The following GRID1 variants were observed in gnomAD, a reference collection of about 807,000 sequenced individuals.
GRID1 encodes glutamate receptor ionotropic, delta-1.
A neutral mutation model predicts 98.0 loss-of-function variants in GRID1; 28 were observed. The observed-to-expected ratio is 0.29, with a 90% CI of 0.21 to 0.39. GRID1 has a LOEUF of 0.39. GRID1 is among the 10% of genes least tolerant of loss of function. GRID1 has a pLI of 1.00. For missense variants in GRID1, 1,111 were observed against 1,340.5 expected (o/e 0.83, Z 2.67); for synonymous variants, 553 against 538.5 (o/e 1.03, Z -0.37).
intron 3 of GRID1, among the ~76,000 whole-genome samples, chr10:86,189,332 AACTCCCGTC>A (rs1454036385): frequency 6.6e-6 from 1 of 151,932 alleles, no homozygotes; most frequent in African/African-American, 2.4e-5. Flanking sequence ...GTCGGCTTCC[AACTCCCGTC>A]ACTTCCTGCT....
intron 2 of GRID1, among the ~76,000 whole-genome samples, chr10:86,288,805 C>T (rs942574029): frequency 1.3e-5 from 2 of 152,310 alleles, no homozygotes; most frequent in African/African-American, 4.8e-5. Context: ...TGAGCAGGGC[C>T]GACTGGCTAT....
At chr10:85,657,356 A>G (rs1181315069) in intron 12 of GRID1, among the ~76,000 whole-genome samples, 1 of 152,120 alleles carries the variant, frequency 6.6e-6, no homozygotes, top group African/African-American at 2.4e-5. Context: ...CAATCACCCC[A>G]GTTTGCTTGG....
chr10:85,950,685 C>CA (rs1564633729), intron 4 of GRID1, among the ~76,000 whole-genome samples: 1 of 152,172 alleles, frequency 6.6e-6, no homozygotes, highest in African/African-American at 2.4e-5. Flanking sequence ...ATCCAGCAAA[C>CA]ATTATGCCCC....
intron 3 of GRID1, among the ~76,000 whole-genome samples, chr10:86,173,843 G>A: frequency 6.7e-6 from 1 of 150,048 alleles, no homozygotes; most frequent in Non-Finnish European, 1.5e-5. Context: ...TTTTGTTCTT[G>A]TGATAGTTTA....
intron 4 of GRID1, among the ~76,000 whole-genome samples, chr10:86,120,245 T>C (rs1432794172): frequency 6.6e-6 from 1 of 152,216 alleles, no homozygotes; most frequent in Non-Finnish European, 1.5e-5. Context: ...CTTCCTCTAG[T>C]GCCCATGCTC....
At chr10:86,172,388 A>G (rs1030762475) in intron 3 of GRID1, among the ~76,000 whole-genome samples, 1 of 152,340 alleles carries the variant, frequency 6.6e-6, no homozygotes, top group South Asian at 2.1e-4. Context: ...CATCAGGTAC[A>G]TATTCATGCA....
At chr10:86,086,614 G>A (rs184092162) in intron 4 of GRID1, among the ~76,000 whole-genome samples, 36 of 152,322 alleles carry the variant, frequency 2.4e-4, no homozygotes, top group East Asian at 9.6e-4. Flanking sequence ...GCCTGTGTGC[G>A]CAAGTGTGTG....
At chr10:86,097,201 G>A (rs1844233524) in intron 4 of GRID1, among the ~76,000 whole-genome samples, 1 of 152,210 alleles carries the variant, frequency 6.6e-6, no homozygotes, top group South Asian at 2.1e-4. Context: ...AAGACAGCCT[G>A]TCATGGGACT....
intron 8 of GRID1, among the ~76,000 whole-genome samples, chr10:85,841,738 C>T (rs1020334346): frequency 1.6e-4 from 25 of 152,056 alleles, no homozygotes; most frequent in Non-Finnish European, 3.4e-4. Context: ...CTCAACATCA[C>T]TGATCATTAA....
intron 4 of GRID1, among the ~76,000 whole-genome samples, chr10:86,125,025 C>T (rs1240058330): frequency 6.6e-6 from 1 of 152,212 alleles, no homozygotes; most frequent in African/African-American, 2.4e-5. Flanking sequence ...TCCCTCCCTG[C>T]AAGTGAGACA....
chr10:86,357,324 G>A (rs1463532162), intron 2 of GRID1, among the ~76,000 whole-genome samples: 1 of 152,194 alleles, frequency 6.6e-6, no homozygotes, highest in Non-Finnish European at 1.5e-5. Flanking sequence ...CCAGAGGAAG[G>A]GGCTGTCACA....
Position 86,206,785 on chromosome 10 carries a change from A to T in GRID1, c.236-137T>A, listed in dbSNP as rs1846032147. 1.4e-6 allele frequency: 1 copy of T among 723,386 alleles called. No homozygotes were observed. The highest frequency in any genetic ancestry group is 1.8e-5 in the African/African-American group (1 of 56,194). 44.8% of individuals were successfully genotyped at this position (723,386 alleles called of 1,614,324 possible). ...CTGCCTCCCTCCAGGACCAAGAACC[A>T]TCCTGGGCAGGCCAGTGGCTCTCAT... On this transcript the variant is annotated intron_variant, in intron 2 of 15. Coordinates refer to ENST00000327946, the MANE Select transcript of GRID1 (RefSeq NM_017551.3). The surrounding 1 kb of genome is among the most constrained non-coding windows in gnomAD (Gnocchi z 4.1).
intron 5 of GRID1, among the ~76,000 whole-genome samples, chr10:85,900,223 G>A (rs117691443): frequency 2.6e-5 from 4 of 152,188 alleles, no homozygotes; most frequent in African/African-American, 7.2e-5. Flanking sequence ...CAGCAGCCAC[G>A]TGTGAATGTG....
intron 8 of GRID1, among the ~76,000 whole-genome samples, chr10:85,757,243 G>C (rs1387181266): frequency 6.6e-6 from 1 of 152,176 alleles, no homozygotes; most frequent in African/African-American, 2.4e-5. Context: ...GCCTCTCACT[G>C]AGGAACACCT....
intron 2 of GRID1, among the ~76,000 whole-genome samples, chr10:86,303,094 T>C (rs1847713860): frequency 2.0e-5 from 3 of 152,256 alleles, no homozygotes; most frequent in South Asian, 4.1e-4. Context: ...TTAGACTATA[T>C]TAAGAAATTA....
chr10:85,815,411 A>C (rs1189049077), intron 8 of GRID1, among the ~76,000 whole-genome samples: 2 of 152,072 alleles, frequency 1.3e-5, no homozygotes, highest in Non-Finnish European at 2.9e-5. Flanking sequence ...AAAAATAAAC[A>C]AAAGAAATAC....
chr10:85,679,261 A>G (rs1841180055), intron 12 of GRID1, among the ~76,000 whole-genome samples: 1 of 152,170 alleles, frequency 6.6e-6, no homozygotes, highest in Non-Finnish European at 1.5e-5. Flanking sequence ...CTCCCAAACC[A>G]TGGATCTCTC....
chr10:86,118,896 A>G (rs1045788577), intron 4 of GRID1, among the ~76,000 whole-genome samples: 2 of 152,210 alleles, frequency 1.3e-5, no homozygotes, highest in Admixed American at 1.3e-4. Flanking sequence ...ACTGCTCAAA[A>G]CATCAAGGTC....
chr10:85,653,801 C>T (rs978444565), intron 12 of GRID1, among the ~76,000 whole-genome samples: 2 of 152,194 alleles, frequency 1.3e-5, no homozygotes, highest in African/African-American at 4.8e-5. Context: ...GGCCCCCGTC[C>T]GTGTGATGCG....
Sources: gnomAD v4.1 joint callset for allele counts (sites outside exome capture counted in the v4.1 genomes callset) on GRCh38, gnomAD v4.1.1 for gene constraint, Gnocchi (gnomAD v3.1) non-coding constraint, MANE v1.5 for transcripts, NCBI Gene and HGNC (gene_info 2026-07-23, HGNC 2026-07-21) for gene names.